The following SH3RF1 variants were observed in gnomAD, a reference collection of about 807,000 sequenced individuals.
SH3RF1 encodes SH3 domain containing ring finger 1.
SH3RF1 carries 32 observed loss-of-function variants against 74.0 expected under a neutral mutation model. That is an observed-to-expected ratio of 0.43 (90% CI 0.33 to 0.58). SH3RF1 has a LOEUF of 0.58. SH3RF1 is among the 20% of genes least tolerant of loss of function. The probability of loss-of-function intolerance (pLI) is 0.05; values close to 1 mark genes in which losing one functional copy is unlikely to be tolerated. For synonymous variants in SH3RF1, 396 were observed against 439.6 expected (o/e 0.90, Z 1.24); for missense variants, 954 against 1,130.9 (o/e 0.84, Z 2.24).
chr4:169,246,575 T>G (rs1333374696), intron 2 of SH3RF1, among the ~76,000 whole-genome samples: 1 of 152,266 alleles, frequency 6.6e-6, no homozygotes, highest in Non-Finnish European at 1.5e-5. Context: ...CATGCAACTG[T>G]ATTTTAAACA....
Position 169,184,999 on chromosome 4 carries a change from A to T in SH3RF1, c.394-28320T>A, listed in dbSNP as rs1734579925. Among the ~76,000 whole-genome samples, 5 of 152,320 alleles carry T rather than the reference A, an allele frequency of 3.3e-5. No individual in the cohort carries two copies. The East Asian group carries it at 9.6e-4, about 29-fold the overall frequency. On this transcript the variant is annotated intron_variant, in intron 2 of 11. Coordinates refer to ENST00000284637, the MANE Select transcript of SH3RF1 (RefSeq NM_020870.4). ...GAGGATAAAAGCCTCCTCATTCCAG[A>T]CGTCCTGCAAGTGTGATCAGGGGTT... is the stretch of plus-strand genomic sequence containing the variant.
chr4:169,193,787 C>A (rs2126986054), intron 2 of SH3RF1, among the ~76,000 whole-genome samples: 1 of 152,264 alleles, frequency 6.6e-6, no homozygotes, highest in African/African-American at 2.4e-5. Context: ...GAAGTTAACA[C>A]TCAGTGATGA....
At chr4:169,106,056 T>C (rs545489595) in intron 11 of SH3RF1, among the ~76,000 whole-genome samples, 1 of 151,978 alleles carries the variant, frequency 6.6e-6, no homozygotes, top group African/African-American at 2.4e-5. Context: ...TGTATATATA[T>C]GTAATGTAAA....
rs114604230 is a variant in SH3RF1 at position 169,105,675 on chromosome 4, C to T, written c.2498+1172G>A. On this transcript the variant is annotated intron_variant, in intron 11 of 11. Transcript: ENST00000284637. ...TTGGGAGGCTGGGGCAGGAGAATGG[C>T]TTGAGTTCAGGAGTTCAAGACTAGC... 5.7e-3 allele frequency among the ~76,000 whole-genome samples: 874 copies of T among 152,262 alleles called. 9 individuals are homozygous for T. Among genetic ancestry groups the T allele is most frequent in the African/African-American group, 0.02 (844 of 41,560 alleles).
chr4:169,270,191 C>A (rs1160062423), intron 1 of SH3RF1, among the ~76,000 whole-genome samples: 3 of 152,246 alleles, frequency 2.0e-5, no homozygotes, highest in Non-Finnish European at 4.4e-5. Context: ...GCATTAACAG[C>A]TGTTCTTGAC....
chr4:169,228,134 A>G (rs1730679187), intron 2 of SH3RF1, among the ~76,000 whole-genome samples: 1 of 152,236 alleles, frequency 6.6e-6, no homozygotes, highest in Non-Finnish European at 1.5e-5. Context: ...TATTAAGTAC[A>G]TATTCTAAAT....
At chr4:169,216,576 C>CACCTCTATAGTCCGAG (rs1295656418) in intron 2 of SH3RF1, among the ~76,000 whole-genome samples, 2 of 152,130 alleles carry the variant, frequency 1.3e-5, no homozygotes, top group East Asian at 3.9e-4. Flanking sequence ...AATGGTTGCT[C>CACCTCTATAGTCCGAG]ACCTCTATAG....
chr4:169,231,118 T>C (rs1423402876), intron 2 of SH3RF1, among the ~76,000 whole-genome samples: 1 of 152,130 alleles, frequency 6.6e-6, no homozygotes, highest in Non-Finnish European at 1.5e-5. Flanking sequence ...CCTCATGGGG[T>C]TGTTGTGAGA....
chr4:169,226,939 G>C (rs1045089998), intron 2 of SH3RF1, among the ~76,000 whole-genome samples: 2 of 152,122 alleles, frequency 1.3e-5, no homozygotes, highest in African/African-American at 2.4e-5. Flanking sequence ...GGCTGAGGTG[G>C]GAGGATCACT....
chr4:169,129,478 C>T (rs1239193183), intron 6 of SH3RF1, among the ~76,000 whole-genome samples: 3 of 152,080 alleles, frequency 2.0e-5, no homozygotes, highest in South Asian at 2.1e-4. Context: ...AGCAATTAGC[C>T]GTTTAGACTC....
At chr4:169,129,744 CT>C (rs1261357761) in intron 6 of SH3RF1, among the ~76,000 whole-genome samples, 1 of 152,112 alleles carries the variant, frequency 6.6e-6, no homozygotes, top group Non-Finnish European at 1.5e-5. Context: ...GATCTAGAAA[CT>C]CAAAAGAAAT....
chr4:169,233,223 T>C (rs1730771135), intron 2 of SH3RF1, among the ~76,000 whole-genome samples: 1 of 116,400 alleles, frequency 8.6e-6, no homozygotes, highest in Non-Finnish European at 1.6e-5. Context: ...CACTCCAGCC[T>C]GGGCAACAGA....
In SH3RF1 at chr4:169,186,581, A is replaced by G. The variant is rs527836812; in HGVS notation, c.394-29902T>C. Among the ~76,000 whole-genome samples, 198 of 151,836 alleles carry G rather than the reference A, an allele frequency of 1.3e-3. 1 individual carries two copies. The highest frequency in any genetic ancestry group is 4.5e-3 in the African/African-American group (188 of 41,480). ...TTTAGAAAATACCAATGTTAGCAAT[A>G]AAATTTCTACAGATACAAACATTTT... On this transcript the variant is annotated intron_variant, in intron 2 of 11. Coordinates refer to ENST00000284637, the MANE Select transcript of SH3RF1 (RefSeq NM_020870.4).
At chr4:169,188,078 G>T (rs1464611976) in intron 2 of SH3RF1, among the ~76,000 whole-genome samples, 3 of 151,928 alleles carry the variant, frequency 2.0e-5, no homozygotes, top group Non-Finnish European at 4.4e-5. Flanking sequence ...AAAGAAGAAG[G>T]GATTCTTCCT....
intron 4 of SH3RF1, among the ~76,000 whole-genome samples, chr4:169,148,321 T>C (rs1733925286): frequency 6.6e-6 from 1 of 152,180 alleles, no homozygotes; most frequent in South Asian, 2.1e-4. Flanking sequence ...AGCAAGACAT[T>C]TGTCTACAAA....
intron 2 of SH3RF1, among the ~76,000 whole-genome samples, chr4:169,251,821 G>C (rs777925437): frequency 6.6e-6 from 1 of 152,174 alleles, no homozygotes; most frequent in African/African-American, 2.4e-5. Context: ...TTAGGGCTGC[G>C]CAGCCTACTA....
chr4:169,191,025 C>T (rs1255008098), intron 2 of SH3RF1, among the ~76,000 whole-genome samples: 1 of 152,148 alleles, frequency 6.6e-6, no homozygotes, highest in African/African-American at 2.4e-5. Context: ...TCCAGCATCC[C>T]TTTACGATTA....
At chr4:169,149,591 T>C (rs1404109735) in intron 4 of SH3RF1, among the ~76,000 whole-genome samples, 1 of 152,192 alleles carries the variant, frequency 6.6e-6, no homozygotes, top group East Asian at 1.9e-4. Context: ...TAAATTTCAC[T>C]TACAAAAATT....
At chr4:169,260,768 G>A (rs1284882528) in intron 2 of SH3RF1, among the ~76,000 whole-genome samples, 1 of 152,142 alleles carries the variant, frequency 6.6e-6, no homozygotes, top group African/African-American at 2.4e-5. Flanking sequence ...GGGGGATCAG[G>A]GTTGCCAAAG....
Sources: allele counts gnomAD v4.1 joint callset (sites outside exome capture counted in the v4.1 genomes callset), GRCh38; gene constraint gnomAD v4.1.1; transcripts MANE v1.5; gene names NCBI Gene and HGNC (gene_info 2026-07-23, HGNC 2026-07-21).